Variants in CACNB2 observed in about 807,000 individuals in gnomAD.
The protein encoded by CACNB2 is calcium voltage-gated channel auxiliary subunit beta 2.
Under a neutral mutation model 73.3 loss-of-function variants are expected in CACNB2, and 42 were observed. That is an observed-to-expected ratio of 0.57 (90% CI 0.45 to 0.74). The LOEUF (loss-of-function observed/expected upper bound fraction) is 0.74, where lower values mean the gene tolerates loss of function less well. CACNB2 is among the 30% of genes least tolerant of loss of function. The probability of loss-of-function intolerance (pLI) is 0.00; values close to 1 mark genes in which losing one functional copy is unlikely to be tolerated. For synonymous variants in CACNB2, 348 were observed against 310.3 expected (o/e 1.12, Z -1.28); for missense variants, 940 against 853.0 (o/e 1.10, Z -1.27).
At chr10:18,186,343 T>C (rs1373242123) in intron 2 of CACNB2, among the ~76,000 whole-genome samples, 1 of 151,574 alleles carries the variant, frequency 6.6e-6, no homozygotes, top group Non-Finnish European at 1.5e-5. Flanking sequence ...TGCTTGAACC[T>C]GGGAGGCGGA....
chr10:18,474,616 A>G (rs867754472), intron 3 of CACNB2, among the ~76,000 whole-genome samples: 1 of 152,082 alleles, frequency 6.6e-6, no homozygotes, highest in Non-Finnish European at 1.5e-5. Flanking sequence ...GTGGCCTTAG[A>G]TCTGTGAAGC....
intron 2 of CACNB2, among the ~76,000 whole-genome samples, chr10:18,236,244 A>T (rs906457453): frequency 6.6e-6 from 1 of 152,056 alleles, no homozygotes; most frequent in Non-Finnish European, 1.5e-5. Flanking sequence ...CCGTTCTGTC[A>T]CTCTGTCTAC....
intron 2 of CACNB2, among the ~76,000 whole-genome samples, chr10:18,210,140 C>A (rs1041353422): frequency 1.1e-4 from 16 of 152,190 alleles, no homozygotes; most frequent in South Asian, 4.1e-4. Context: ...AGTGGTTCCA[C>A]TTGGGAGCGT....
intron 2 of CACNB2, among the ~76,000 whole-genome samples, chr10:18,311,971 CT>C (rs1412672932): frequency 6.6e-6 from 1 of 152,186 alleles, no homozygotes; most frequent in Non-Finnish European, 1.5e-5. Flanking sequence ...TGATAGTCCC[CT>C]TCTATACTTC....
intron 2 of CACNB2, among the ~76,000 whole-genome samples, chr10:18,231,092 A>C (rs964405770): frequency 6.6e-6 from 1 of 152,244 alleles, no homozygotes; most frequent in Non-Finnish European, 1.5e-5. Context: ...GGAATGGTCC[A>C]CATGCAAACT....
chr10:18,438,182 G>GCT (rs1447744792), intron 3 of CACNB2, among the ~76,000 whole-genome samples: 13 of 38,450 alleles, frequency 3.4e-4, no homozygotes, highest in African/African-American at 1.8e-3. Context: ...CACACCTGGC[G>GCT]ATTTTTTTTT....
chr10:18,232,481 A>G (rs1038455516), intron 2 of CACNB2, among the ~76,000 whole-genome samples: 2 of 152,152 alleles, frequency 1.3e-5, no homozygotes, highest in African/African-American at 4.8e-5. Context: ...GAATAATTGA[A>G]ATCTCAAATT....
At chr10:18,294,227 C>A (rs1218464302) in intron 2 of CACNB2, among the ~76,000 whole-genome samples, 1 of 152,206 alleles carries the variant, frequency 6.6e-6, no homozygotes, top group Non-Finnish European at 1.5e-5. Context: ...GAGTGGACCA[C>A]CACCTTCTTT....
chr10:18,172,993 G>A (rs925056213), intron 2 of CACNB2, among the ~76,000 whole-genome samples: 8 of 141,956 alleles, frequency 5.6e-5, no homozygotes, highest in South Asian at 2.3e-4. Flanking sequence ...CGATCTCAGC[G>A]CACTGCAACC....
intron 2 of CACNB2, among the ~76,000 whole-genome samples, chr10:18,228,447 A>G (rs2036094735): frequency 7.1e-6 from 1 of 141,198 alleles, no homozygotes; most frequent in Non-Finnish European, 1.5e-5. Context: ...AAAAAAAAAA[A>G]AAGAAAAAAA....
intron 2 of CACNB2, among the ~76,000 whole-genome samples, chr10:18,297,362 A>T (rs1042137859): frequency 2.6e-5 from 4 of 152,146 alleles, no homozygotes; most frequent in African/African-American, 9.7e-5. Context: ...TGGGCAACAC[A>T]GCAAGACCCT....
chr10:18,321,944 A>G (rs2040411340), intron 2 of CACNB2, among the ~76,000 whole-genome samples: 1 of 152,140 alleles, frequency 6.6e-6, no homozygotes, highest in African/African-American at 2.4e-5. Flanking sequence ...CAAGAGGCCA[A>G]GAGTTCAAGA....
At chr10:18,526,866 G>A (rs2052520500) in intron 9 of CACNB2, among the ~76,000 whole-genome samples, 1 of 152,132 alleles carries the variant, frequency 6.6e-6, no homozygotes, top group Non-Finnish European at 1.5e-5. Context: ...CAGAGACTAG[G>A]AATATAGGGT....
chr10:18,503,937 CT>C (rs2050348134), intron 5 of CACNB2, among the ~76,000 whole-genome samples: 1 of 152,142 alleles, frequency 6.6e-6, no homozygotes, highest in African/African-American at 2.4e-5. Context: ...CTCATAAAAA[CT>C]CCCCTGGCTC....
chr10:18,144,505 GAC>G (rs1368541652), intron 1 of CACNB2, among the ~76,000 whole-genome samples: 1 of 152,184 alleles, frequency 6.6e-6, no homozygotes, highest in Non-Finnish European at 1.5e-5. Context: ...CGTGAACCTG[GAC>G]ACAGTCTACT....
intron 2 of CACNB2, among the ~76,000 whole-genome samples, chr10:18,241,316 G>A (rs927593714): frequency 2.0e-5 from 3 of 152,144 alleles, no homozygotes; most frequent in African/African-American, 7.2e-5. Context: ...TAAATAAAAT[G>A]CATTAAAGAG....
At chr10:18,205,883 A>G (rs574723083) in intron 2 of CACNB2, among the ~76,000 whole-genome samples, 5 of 152,236 alleles carry the variant, frequency 3.3e-5, no homozygotes, top group African/African-American at 7.2e-5. Flanking sequence ...TCTTGCTCCA[A>G]TTTGCAAGGG....
intron 10 of CACNB2, among the ~76,000 whole-genome samples, chr10:18,529,985 T>C (rs889952874): frequency 3.3e-5 from 5 of 152,140 alleles, no homozygotes; most frequent in Admixed American, 1.3e-4. Flanking sequence ...CAAAGTCACA[T>C]CTTACATGGC....
In CACNB2 at chr10:18,357,660, G is replaced by T. The variant is rs1018437168; in HGVS notation, c.214-44264G>T. Among the ~76,000 whole-genome samples, 11 of 152,190 alleles carry T rather than the reference G, an allele frequency of 7.2e-5. No homozygotes were observed. In the South Asian group the frequency reaches 1.7e-3, roughly 23 times the overall value. ...AGACTTGTACTCATATCCAAAAAAA[G>T]ATTTAGATTCTAGGTTCAGATAATT... On this transcript the variant is annotated intron_variant, in intron 2 of 13. Transcript: ENST00000324631.
Sources: allele counts gnomAD v4.1 joint callset (sites outside exome capture counted in the v4.1 genomes callset), GRCh38; gene constraint gnomAD v4.1.1; transcripts MANE v1.5; gene names NCBI Gene and HGNC (gene_info 2026-07-23, HGNC 2026-07-21).